The following RPS6KA2 variants were observed in gnomAD, a reference collection of about 807,000 sequenced individuals.
RPS6KA2 encodes ribosomal protein S6 kinase alpha-2.
Under a neutral mutation model 91.8 loss-of-function variants are expected in RPS6KA2, and 42 were observed. The observed-to-expected ratio is 0.46, with a 90% CI of 0.36 to 0.59. The LOEUF (loss-of-function observed/expected upper bound fraction) is 0.59. Ranked by LOEUF, RPS6KA2 falls within the 20% of genes least tolerant of loss-of-function variation. RPS6KA2 has a pLI of 0.00. For synonymous variants in RPS6KA2, 414 were observed against 393.6 expected, an observed-to-expected ratio of 1.05 and a Z score of -0.61; for missense variants, 798 against 978.5, an observed-to-expected ratio of 0.82 and a Z score of 2.46.
At chr6:166,519,537 C>G (rs998064780) in intron 3 of RPS6KA2, among the ~76,000 whole-genome samples, 15 of 152,200 alleles carry the variant, frequency 9.9e-5, no homozygotes, top group African/African-American at 3.1e-4. Flanking sequence ...CCTGTGCCTA[C>G]TGGTACCAGC....
chr6:166,834,388 T>C (rs1012982896), intron 2 of RPS6KA2, among the ~76,000 whole-genome samples: 5 of 151,946 alleles, frequency 3.3e-5, no homozygotes, highest in African/African-American at 1.2e-4. Context: ...ATGTTCTCTC[T>C]TATAAATGGG....
intron 1 of RPS6KA2, among the ~76,000 whole-genome samples, chr6:166,613,680 G>C (rs368512404): frequency 6.6e-6 from 1 of 152,142 alleles, no homozygotes; most frequent in Non-Finnish European, 1.5e-5. Context: ...CTAATTGCAC[G>C]CATCACCCAA....
intron 10 of RPS6KA2, among the ~76,000 whole-genome samples, chr6:166,481,259 C>G (rs1781203645): frequency 6.6e-6 from 1 of 152,210 alleles, no homozygotes; most frequent in Non-Finnish European, 1.5e-5. Context: ...TCCTGAAAAG[C>G]CTTTTCAATT....
At chr6:166,806,367 A>G (rs1201404233) in intron 2 of RPS6KA2, among the ~76,000 whole-genome samples, 3 of 152,254 alleles carry the variant, frequency 2.0e-5, no homozygotes, top group Non-Finnish European at 4.4e-5. Flanking sequence ...AGAATTTTGA[A>G]AGCAGCAAAA....
chr6:166,453,746 A>G (rs555849518), intron 12 of RPS6KA2, among the ~76,000 whole-genome samples: 2 of 152,230 alleles, frequency 1.3e-5, no homozygotes, highest in Non-Finnish European at 2.9e-5. Flanking sequence ...AGATACCCGC[A>G]CTTGGAAGCT....
intron 2 of RPS6KA2, among the ~76,000 whole-genome samples, chr6:166,792,356 T>C (rs185763763): frequency 0.015 from 2,272 of 147,494 alleles, 68 homozygotes; most frequent in African/African-American, 0.054. Flanking sequence ...ATTGAGGCAA[T>C]AATTAATAGC....
intron 16 of RPS6KA2, among the ~76,000 whole-genome samples, 172 bp downstream of exon 16, chr6:166,430,281 T>G (rs1474131057): frequency 6.6e-6 from 1 of 152,156 alleles, no homozygotes; most frequent in Non-Finnish European, 1.5e-5. Context: ...AAGAGAATTT[T>G]TCTTCCCTTG....
At chr6:166,672,008 A>C (rs1788486080) in intron 2 of RPS6KA2, among the ~76,000 whole-genome samples, 1 of 152,210 alleles carries the variant, frequency 6.6e-6, no homozygotes, top group Non-Finnish European at 1.5e-5. Flanking sequence ...GTCTCCACCT[A>C]GTCATGATTT....
chr6:166,693,673 G>T (rs1460170781), intron 2 of RPS6KA2, among the ~76,000 whole-genome samples: 9 of 152,182 alleles, frequency 5.9e-5, no homozygotes, highest in Non-Finnish European at 1.3e-4. Context: ...AATTTAACAT[G>T]ATGTCGTTTG....
intron 2 of RPS6KA2, among the ~76,000 whole-genome samples, chr6:166,671,433 A>G (rs1171432751): frequency 6.6e-6 from 1 of 152,138 alleles, no homozygotes. Context: ...AGGCAGTCAT[A>G]TTCACTACTC....
chr6:166,760,434 C>A (rs1778135361), intron 2 of RPS6KA2, among the ~76,000 whole-genome samples: 1 of 152,214 alleles, frequency 6.6e-6, no homozygotes, highest in Admixed American at 6.5e-5. Flanking sequence ...CTCACCAAAG[C>A]GATCTACTGA....
chr6:166,616,595 C>G (rs772409976), intron 1 of RPS6KA2, among the ~76,000 whole-genome samples: 1 of 152,230 alleles, frequency 6.6e-6, no homozygotes, highest in African/African-American at 2.4e-5. Context: ...GCAGAACCCC[C>G]GACCCTGACT....
chr6:166,763,668 C>A (rs1450665633), intron 2 of RPS6KA2, among the ~76,000 whole-genome samples: 1 of 152,204 alleles, frequency 6.6e-6, no homozygotes, highest in East Asian at 1.9e-4. Flanking sequence ...CTGTCAATTT[C>A]TTTACCTCCT....
chr6:166,692,228 G>A (rs540231482), intron 2 of RPS6KA2, among the ~76,000 whole-genome samples: 28 of 152,204 alleles, frequency 1.8e-4, no homozygotes, highest in African/African-American at 5.5e-4. Flanking sequence ...AAAGTGAGGC[G>A]ATAGAGAGAA....
chr6:166,669,280 G>C (rs1464790153), intron 2 of RPS6KA2, among the ~76,000 whole-genome samples: 1 of 152,188 alleles, frequency 6.6e-6, no homozygotes, highest in African/African-American at 2.4e-5. Context: ...CGGGCTGCCT[G>C]TCTCTCTGGC....
intron 11 of RPS6KA2, among the ~76,000 whole-genome samples, chr6:166,461,884 T>A (rs79690080): frequency 0.027 from 4,151 of 152,174 alleles, 86 homozygotes; most frequent in South Asian, 0.078. Context: ...CAGCCTCTGA[T>A]AAAACCATCC....
Position 166,430,522 on chromosome 6 carries a change from G to T in RPS6KA2, c.1512C>A (p.Phe504Leu). 1 of 1,614,144 alleles carries T rather than the reference G, an allele frequency of 6.2e-7. No individual in the cohort carries two copies. The highest frequency in any genetic ancestry group is 8.5e-7 in the Non-Finnish European group (1 of 1,180,030). ...GGACGTCACTGGCTTCGCGCTCCGA[G>T]AAGTATCTCTGCCGGAGGATGCGGT... ...LLDRILRQRY[F>L]SEREASDVLC... Residue 504 changes from phenylalanine to leucine, a missense_variant, in exon 16 of 21, where the codon TTC (phenylalanine) becomes TTA (leucine). By Grantham distance (22) the Phe-to-Leu change is conservative. Coordinates refer to ENST00000265678, the MANE Select transcript of RPS6KA2 (RefSeq NM_021135.6).
intron 2 of RPS6KA2, among the ~76,000 whole-genome samples, chr6:166,698,211 G>A (rs1562389189): frequency 6.6e-6 from 1 of 152,216 alleles, no homozygotes; most frequent in Non-Finnish European, 1.5e-5. Flanking sequence ...TAAATTTCCT[G>A]GTATGTGTAG....
intron 2 of RPS6KA2, among the ~76,000 whole-genome samples, chr6:166,829,103 T>G (rs144451299): frequency 6.6e-6 from 1 of 152,170 alleles, no homozygotes; most frequent in Non-Finnish European, 1.5e-5. Flanking sequence ...ACATCACGAA[T>G]CATGAGAGAA....
Sources: gnomAD v4.1 joint callset for allele counts (sites outside exome capture counted in the v4.1 genomes callset) on GRCh38, gnomAD v4.1.1 for gene constraint, MANE v1.5 for transcripts, NCBI Gene and HGNC (gene_info 2026-07-23, HGNC 2026-07-21) for gene names.